KAZN: variants seen among roughly 807,000 people sequenced by gnomAD.
The protein encoded by KAZN is kazrin.
A neutral mutation model predicts 87.4 loss-of-function variants in KAZN; 40 were observed. That is an observed-to-expected ratio of 0.46 (90% CI 0.36 to 0.60). The LOEUF is 0.60. KAZN is among the 20% of genes least tolerant of loss of function. The probability of loss-of-function intolerance (pLI) is 0.00; values close to 1 mark genes in which losing one functional copy is unlikely to be tolerated. For synonymous variants in KAZN, 466 were observed against 458.3 expected (o/e 1.02, Z -0.22); for missense variants, 898 against 1,073.9 (o/e 0.84, Z 2.29).
chr1:14,338,126 C>T (rs1657405798), intron 2 of KAZN, among the ~76,000 whole-genome samples: 1 of 152,072 alleles, frequency 6.6e-6, no homozygotes, highest in East Asian at 1.9e-4. Context: ...AGACCTGTCT[C>T]TCTTCTGACC....
intron 4 of KAZN, among the ~76,000 whole-genome samples, chr1:15,049,419 T>C (rs538036654): frequency 2.0e-5 from 3 of 152,308 alleles, no homozygotes; most frequent in African/African-American, 7.2e-5. Flanking sequence ...CCCTGTGCTC[T>C]GTAGGGTGTG....
intron 1 of KAZN, among the ~76,000 whole-genome samples, chr1:14,113,095 A>C (rs1644535051): frequency 6.6e-6 from 1 of 152,186 alleles, no homozygotes; most frequent in African/African-American, 2.4e-5. Flanking sequence ...TTATTTCTAC[A>C]GTGTAGATTT....
intron 1 of KAZN, among the ~76,000 whole-genome samples, chr1:14,931,472 G>C (rs772207917): frequency 1.3e-5 from 2 of 151,984 alleles, no homozygotes; most frequent in African/African-American, 2.4e-5. Flanking sequence ...AGAAGTCATG[G>C]GAATGTCTTG....
intron 1 of KAZN, among the ~76,000 whole-genome samples, chr1:14,882,142 G>A (rs1653406250): frequency 6.6e-6 from 1 of 152,148 alleles, no homozygotes; most frequent in South Asian, 2.1e-4. Context: ...CCAGAGACTG[G>A]CTCATCCTCT....
intron 2 of KAZN, among the ~76,000 whole-genome samples, chr1:14,286,125 G>A (rs1653233541): frequency 6.6e-6 from 1 of 152,192 alleles, no homozygotes; most frequent in South Asian, 2.1e-4. Context: ...TTGAACAACA[G>A]AAGTATGTCA....
chr1:15,095,017 A>C, intron 10 of KAZN, 84 bp downstream of exon 10: 1 of 928,286 alleles, frequency 1.1e-6, no homozygotes, highest in Non-Finnish European at 1.7e-6. Flanking sequence ...TGAGCGGGGC[A>C]CTGTGGGCTG....
At chr1:14,247,103 T>C (rs1228191250) in intron 2 of KAZN, among the ~76,000 whole-genome samples, 1 of 152,156 alleles carries the variant, frequency 6.6e-6, no homozygotes, top group Non-Finnish European at 1.5e-5. Flanking sequence ...CTAGATTGTA[T>C]GGGAGTAGAT....
At chr1:14,612,425 C>G (rs1486077083) in intron 1 of KAZN, among the ~76,000 whole-genome samples, 1 of 152,198 alleles carries the variant, frequency 6.6e-6, no homozygotes, top group Non-Finnish European at 1.5e-5. Flanking sequence ...ACATCTGAGC[C>G]TCAGTTTCAT....
intron 2 of KAZN, among the ~76,000 whole-genome samples, chr1:14,328,875 T>A (rs529384128): frequency 6.6e-6 from 1 of 151,800 alleles, no homozygotes; most frequent in African/African-American, 2.4e-5. Context: ...GTGCAAAATA[T>A]GTTGGGAGGG....
At chr1:15,083,843 T>C (rs2100642210) in intron 8 of KAZN, among the ~76,000 whole-genome samples, 1 of 152,298 alleles carries the variant, frequency 6.6e-6, no homozygotes, top group Middle Eastern at 3.4e-3. Flanking sequence ...TCCTTGCCAA[T>C]GTTATGTAAC....
intron 2 of KAZN, among the ~76,000 whole-genome samples, chr1:14,357,992 GGAAT>G (rs1367848820): frequency 6.6e-6 from 1 of 152,182 alleles, no homozygotes; most frequent in Non-Finnish European, 1.5e-5. Context: ...AGTTTCAGAA[GGAAT>G]GGTACCAACT....
At chr1:14,065,700 G>A (rs967456140) in intron 1 of KAZN, among the ~76,000 whole-genome samples, 1 of 151,972 alleles carries the variant, frequency 6.6e-6, no homozygotes, top group Non-Finnish European at 1.5e-5. Context: ...TGTTCCAATC[G>A]ATATGCAAGG....
chr1:14,879,460 A>T (rs1323075333), intron 1 of KAZN, among the ~76,000 whole-genome samples: 1 of 152,204 alleles, frequency 6.6e-6, no homozygotes, highest in Non-Finnish European at 1.5e-5. Flanking sequence ...AGGAGTAAAT[A>T]GTTCTAAGAT....
At chr1:14,554,440 ATCT>A (rs1195427310) in intron 2 of KAZN, among the ~76,000 whole-genome samples, 2 of 152,176 alleles carry the variant, frequency 1.3e-5, no homozygotes, top group Non-Finnish European at 2.9e-5. Context: ...CGGACCCATC[ATCT>A]TCTAGGAAAT....
At chr1:14,043,715 T>C (rs1474007498) in intron 1 of KAZN, among the ~76,000 whole-genome samples, 1 of 152,198 alleles carries the variant, frequency 6.6e-6, no homozygotes, top group African/African-American at 2.4e-5. Context: ...TGAAGTACTG[T>C]GCATGCGTTA....
At chr1:14,416,574 T>A (rs927540672) in intron 2 of KAZN, among the ~76,000 whole-genome samples, 8 of 151,896 alleles carry the variant, frequency 5.3e-5, no homozygotes, top group African/African-American at 1.7e-4. Flanking sequence ...CCATCTCTAA[T>A]AAAACTACAA....
At chr1:14,576,314 ATGGATGGATGGATGGATG>A (rs1157716098) in intron 2 of KAZN, among the ~76,000 whole-genome samples, 8 of 151,486 alleles carry the variant, frequency 5.3e-5, no homozygotes, top group Non-Finnish European at 1.2e-4. Flanking sequence ...GGATGGATGG[ATGGATGGATGGATGGATG>A]GACGGACAGA....
At chr1:14,582,483 C>A (rs557260556) in intron 2 of KAZN, among the ~76,000 whole-genome samples, 1 of 152,264 alleles carries the variant, frequency 6.6e-6, no homozygotes, top group East Asian at 1.9e-4. Context: ...CTCACACAAA[C>A]CCTGATGGCA....
At chr1:14,190,965 A>G (rs908398385) in intron 2 of KAZN, among the ~76,000 whole-genome samples, 3 of 152,204 alleles carry the variant, frequency 2.0e-5, no homozygotes, top group African/African-American at 7.2e-5. Context: ...ACTAAGACCT[A>G]TAACTGAAAG....
Sources: allele counts gnomAD v4.1 joint callset (sites outside exome capture counted in the v4.1 genomes callset), GRCh38; gene constraint gnomAD v4.1.1; transcripts MANE v1.5; gene names NCBI Gene and HGNC (gene_info 2026-07-23, HGNC 2026-07-21).